SHROOM2: variants seen among roughly 807,000 people sequenced by gnomAD.
SHROOM2 encodes protein Shroom2.
A neutral mutation model predicts 75.9 loss-of-function variants in SHROOM2; 33 were observed. The ratio of observed to expected loss-of-function variants is 0.43; its 90% confidence interval spans 0.33 to 0.58. The LOEUF (loss-of-function observed/expected upper bound fraction) is 0.58, where lower values mean the gene tolerates loss of function less well. SHROOM2 is among the 20% of genes least tolerant of loss of function. SHROOM2 has a pLI of 0.04. For synonymous variants in SHROOM2, 655 were observed against 663.6 expected (o/e 0.99, Z 0.20); for missense variants, 1,434 against 1,461.2 (o/e 0.98, Z 0.30).
chrX:9,819,243 A>G, intron 1 of SHROOM2: 2 of 833,016 alleles, frequency 2.4e-6, no homozygotes, highest in East Asian at 3.1e-5. Context: ...TCCATCCAAT[A>G]TGTCTTGCAG....
In SHROOM2 at chrX:9,947,050, A is replaced by C; in HGVS notation, c.*113A>C. The C allele has an allele frequency of 1.3e-6, 1 of 748,301 alleles. No homozygotes were observed. The allele number at this position is 748,301 out of a possible 1,213,427, so 61.7% of individuals were successfully genotyped here. A position where few individuals can be genotyped will look rare whatever the true frequency, so the allele number is the denominator to read the frequency against. ...CATGGCCTGGAAAGAGACTTCTCCCATAGCAAAGAGGCTGTTATAAAAGCA... is the reference window on the plus strand; with the variant it reads ...CATGGCCTGGAAAGAGACTTCTCCCCTAGCAAAGAGGCTGTTATAAAAGCA... On this transcript the variant is annotated 3_prime_UTR_variant, in exon 10 of 10. Transcript: ENST00000380913.
chrX:9,946,838 C>G lies in SHROOM2; in HGVS notation c.4752C>G (p.Ala1584=). 8.3e-7 allele frequency: 1 copy of G among 1,200,699 alleles called. No homozygotes were observed. Among genetic ancestry groups the G allele is most frequent in the South Asian group, 1.8e-5 (1 of 55,069 alleles). The change falls in exon 10 of 10, where the codon GCC becomes GCG. Residue 1584 remains alanine (A), a synonymous_variant. Coordinates refer to ENST00000380913, the MANE Select transcript of SHROOM2 (RefSeq NM_001649.4). ...DYEHFVKMKS[A]LIIEQRELED... ...AGCACTTCGTGAAGATGAAGTCGGC[C>G]CTCATCATCGAGCAGCGGGAGCTGG... is the stretch of plus-strand genomic sequence containing the variant.
intron 5 of SHROOM2, among the ~76,000 whole-genome samples, chrX:9,913,466 G>A (rs1040335078): frequency 4.4e-5 from 5 of 112,504 alleles, no homozygotes; most frequent in African/African-American, 1.6e-4. Flanking sequence ...CCCATTTTAT[G>A]TTGTGATAAA....
chrX:9,870,833 TACTTG>T (rs1277124322), intron 1 of SHROOM2, among the ~76,000 whole-genome samples: 4 of 112,574 alleles, frequency 3.6e-5, no homozygotes, highest in East Asian at 2.8e-4. Context: ...GGGTTTTTGA[TACTTG>T]ACTTGTTTTG....
At chrX:9,865,813 C>CGG (rs2084134116) in intron 1 of SHROOM2, among the ~76,000 whole-genome samples, 1 of 110,235 alleles carries the variant, frequency 9.1e-6, no homozygotes, top group South Asian at 3.9e-4. Flanking sequence ...GCCCACCTCA[C>CGG]CCTCCCAAAG....
Position 9,846,797 on chromosome X carries a change from G to T in SHROOM2, c.166-26855G>T, listed in dbSNP as rs190641391. Among the ~76,000 whole-genome samples, 456 of 112,322 alleles carry T rather than the reference G, an allele frequency of 4.1e-3. 6 individuals carry two copies. Among genetic ancestry groups the T allele is most frequent in the African/African-American group, 0.014 (444 of 30,996 alleles). Reference sequence around the variant, plus strand: ...CATTTTGAACATGGATTTGGCATCTGTGCCGCCTCTGAGCCCATGCTTGGC... The same window carrying T: ...CATTTTGAACATGGATTTGGCATCTTTGCCGCCTCTGAGCCCATGCTTGGC... On this transcript the variant is annotated intron_variant, in intron 1 of 9. Coordinates refer to ENST00000380913, the MANE Select transcript of SHROOM2 (RefSeq NM_001649.4).
chrX:9,943,440 T>G (rs1370182484), intron 8 of SHROOM2, among the ~76,000 whole-genome samples: 1 of 110,953 alleles, frequency 9.0e-6, no homozygotes, highest in Non-Finnish European at 1.9e-5. Flanking sequence ...TGTAGTGCAC[T>G]ATGATCATGT....
chrX:9,914,610 T>C (rs2084469937), intron 5 of SHROOM2, among the ~76,000 whole-genome samples: 1 of 110,789 alleles, frequency 9.0e-6, no homozygotes, highest in Non-Finnish European at 1.9e-5. Flanking sequence ...TCTGAAGAGG[T>C]CCTAGAGTTA....
At chrX:9,826,739 G>A (rs781107502) in intron 1 of SHROOM2, among the ~76,000 whole-genome samples, 18 of 111,970 alleles carry the variant, frequency 1.6e-4, no homozygotes, top group African/African-American at 5.8e-4. Context: ...TTGTGCCTCT[G>A]CACTCCGTCC....
chrX:9,793,794 G>A (rs2083680638), intron 1 of SHROOM2, among the ~76,000 whole-genome samples: 1 of 108,835 alleles, frequency 9.2e-6, no homozygotes, highest in Non-Finnish European at 1.9e-5. Flanking sequence ...GCTCAAGCTG[G>A]AGTGCAGTGT....
rs951984427 is a variant in SHROOM2, at chrX:9,880,946, A to G, written c.317+7143A>G. ...AACCATTTAGAATAGTTGCCTGATA[A>G]CTTGGTTTTATTGTTAAAGAAAGCC... is the stretch of plus-strand genomic sequence containing the variant. On this transcript the variant is annotated intron_variant, in intron 2 of 9. Transcript: ENST00000380913. Among the ~76,000 whole-genome samples, 12 of 111,527 alleles carry G rather than the reference A, an allele frequency of 1.1e-4. 1 individual carries two copies. Among genetic ancestry groups the G allele is most frequent in the Admixed American group, 6.7e-4 (7 of 10,500 alleles).
intron 1 of SHROOM2, among the ~76,000 whole-genome samples, chrX:9,836,476 C>T (rs1228337992): frequency 9.1e-6 from 1 of 109,551 alleles, no homozygotes; most frequent in African/African-American, 3.3e-5. Context: ...CTCAGTCTAC[C>T]CCCCAGCTTC....
intron 1 of SHROOM2, among the ~76,000 whole-genome samples, chrX:9,849,952 C>T (rs921710012): frequency 8.9e-6 from 1 of 112,282 alleles, no homozygotes; most frequent in Admixed American, 9.5e-5. Flanking sequence ...TGAAGCAGAG[C>T]AGGTACCTCT....
At position 9,786,466 on chromosome X, in the gene SHROOM2, T is replaced by C; in HGVS notation, c.-80T>C. On this transcript the variant is annotated 5_prime_UTR_variant, in exon 1 of 10. Coordinates refer to ENST00000380913, the MANE Select transcript of SHROOM2 (RefSeq NM_001649.4). Reference sequence around the variant, plus strand: ...AGTTACGGCGCAAGTTCTGCGGCGCTCGGAGCCTCCCTTGCGATCCCACGG... The same window carrying C: ...AGTTACGGCGCAAGTTCTGCGGCGCCCGGAGCCTCCCTTGCGATCCCACGG... The C allele has an allele frequency of 4.0e-6, 3 of 746,754 alleles. No individual in the cohort carries two copies. The highest frequency in any genetic ancestry group is 4.9e-6 in the Non-Finnish European group (3 of 609,053). The allele number at this position is 746,754 out of a possible 1,213,427, so 61.5% of individuals were successfully genotyped here. A position where few individuals can be genotyped will look rare whatever the true frequency, so the allele number is the denominator to read the frequency against.
intron 1 of SHROOM2, among the ~76,000 whole-genome samples, chrX:9,833,608 C>CTGTGTGTGTGTGTGTG (rs144161839): frequency 0.014 from 1,372 of 95,308 alleles, 42 homozygotes; most frequent in East Asian, 0.1. Context: ...CAAGTAGACT[C>CTGTGTGTGTGTGTGTG]TGTGTGTGTG....
At position 9,896,326 on chromosome X, in the gene SHROOM2, A is replaced by T; in HGVS notation, c.2418A>T (p.Lys806Asn). The T allele has an allele frequency of 8.3e-7, 1 of 1,211,879 alleles. No homozygotes were observed. Among genetic ancestry groups the T allele is most frequent in the African/African-American group, 1.7e-5 (1 of 57,874 alleles). ...GGAAGTTTTTTGAGGAAACGAGCAA[A>T]CCTGTTCCCCAGAGGCCTGCCCAGA... is the stretch of plus-strand genomic sequence containing the variant. The part of the protein sequence containing the change: ...DRWKFFEETS[K>N]PVPQRPAQKQ... The change falls in exon 4 of 10, where the codon AAA (lysine) becomes AAT (asparagine). Residue 806 changes from lysine (K) to asparagine (N), a missense_variant. Coordinates refer to ENST00000380913, the MANE Select transcript of SHROOM2 (RefSeq NM_001649.4).
intron 2 of SHROOM2, among the ~76,000 whole-genome samples, chrX:9,885,886 G>A (rs952940544): frequency 4.8e-5 from 5 of 105,086 alleles, no homozygotes; most frequent in African/African-American, 1.4e-4. Flanking sequence ...CCAGGAGGTC[G>A]AGGCTGCAGT....
Position 9,896,662 on chromosome X carries a change from G to A in SHROOM2, c.2754G>A (p.Arg918=), listed in dbSNP as rs745936134. 8.3e-7 allele frequency: 1 copy of A among 1,198,019 alleles called. No homozygotes were observed. The highest frequency in any genetic ancestry group is 1.7e-5 in the African/African-American group (1 of 57,282). The change falls in exon 4 of 10, where the codon AGG becomes AGA. Residue 918 remains arginine (R), a synonymous_variant. Coordinates refer to ENST00000380913, the MANE Select transcript of SHROOM2 (RefSeq NM_001649.4). ...PQERPQHVHG[R]SRSSPSTDHY... is the part of the protein sequence containing the mutation. ...AGAGGCCGCAGCACGTTCATGGGAG[G>A]TCCCGGTCTTCACCGTCCACAGACC...
Position 9,894,391 on chromosome X carries a change from G to T in SHROOM2, c.483G>T (p.Glu161Asp). The change falls in exon 4 of 10, where the codon GAG becomes GAT. Residue 161 changes from glutamate to aspartate, a missense_variant. Around this residue, in one of 3 missense-constraint regions of SHROOM2, gnomAD observed 1,340 missense variants for 1,338.3 expected, o/e 1.00. Coordinates refer to ENST00000380913, the MANE Select transcript of SHROOM2 (RefSeq NM_001649.4). ...CCCACGACCTGTCCAGTTCCTGGGAGCAGACGAACCTACAGCGCACCTTAG... is the reference window on the plus strand; with the variant it reads ...CCCACGACCTGTCCAGTTCCTGGGATCAGACGAACCTACAGCGCACCTTAG... ...SSSHDLSSSW[E>D]QTNLQRTLDH... 1 of 1,210,202 alleles carries T rather than the reference G, an allele frequency of 8.3e-7. No individual in the cohort carries two copies. Among genetic ancestry groups the T allele is most frequent in the Non-Finnish European group, 1.1e-6 (1 of 894,818 alleles).
Sources: allele counts gnomAD v4.1 joint callset (sites outside exome capture counted in the v4.1 genomes callset), GRCh38; gene constraint gnomAD v4.1.1; regional missense constraint gnomAD v4.1.1; transcripts MANE v1.5; gene names NCBI Gene and HGNC (gene_info 2026-07-23, HGNC 2026-07-21).